The following ZNF385D variants were observed in gnomAD, a reference collection of about 807,000 sequenced individuals.
ZNF385D encodes the protein zinc finger protein 385D, also known as zinc finger protein 659.
In ZNF385D, 15 loss-of-function variants were observed where a neutral mutation model predicts 35.8. That is an observed-to-expected ratio of 0.42 (90% CI 0.28 to 0.64). The LOEUF (loss-of-function observed/expected upper bound fraction) is 0.64, where lower values mean the gene tolerates loss of function less well. Ranked by LOEUF, ZNF385D falls within the 30% of genes least tolerant of loss-of-function variation. The probability of loss-of-function intolerance (pLI) is 0.23; values close to 1 mark genes in which losing one functional copy is unlikely to be tolerated. For synonymous variants in ZNF385D, 212 were observed against 186.8 expected, an observed-to-expected ratio of 1.13 and a Z score of -1.10; for missense variants, 474 against 494.6, an observed-to-expected ratio of 0.96 and a Z score of 0.39.
At chr3:21,555,928 CATT>C (rs200440321) in intron 3 of ZNF385D, among the ~76,000 whole-genome samples, 3,050 of 152,214 alleles carry the variant, frequency 0.02, 98 homozygotes, top group African/African-American at 0.069. Context: ...GATGGTATCT[CATT>C]GTGGTTTTGA....
At position 22,240,654 on chromosome 3, in the gene ZNF385D, C is replaced by T. The variant is rs770960106; in HGVS notation, c.107-71619G>A. Among the ~76,000 whole-genome samples the T allele has an allele frequency of 2.6e-5, 4 of 151,050 alleles. 1 individual carries two copies. Among genetic ancestry groups the T allele is most frequent in the African/African-American group, 4.9e-5 (2 of 40,802 alleles). On this transcript the variant is annotated intron_variant, in intron 2 of 5. Coordinates refer to the ZNF385D transcript ENST00000494108. ...CTTTGAGGTTGCAGCAATTGACCCA[C>T]AATTGCTGCCCTCTTGATCCTCTTG...
At chr3:21,719,055 C>G (rs539969851) in intron 1 of ZNF385D, among the ~76,000 whole-genome samples, 1 of 152,280 alleles carries the variant, frequency 6.6e-6, no homozygotes, top group South Asian at 2.1e-4. Flanking sequence ...TAGCTATTAT[C>G]TTGCATTTGG....
chr3:21,983,070 G>T (rs868004023), intron 3 of ZNF385D, among the ~76,000 whole-genome samples: 15 of 151,668 alleles, frequency 9.9e-5, no homozygotes, highest in Admixed American at 2.6e-4. Flanking sequence ...TTGTGTCTTT[G>T]CCAGGTTTGG....
intron 3 of ZNF385D, among the ~76,000 whole-genome samples, chr3:21,913,359 A>G (rs188751290): frequency 7.9e-5 from 12 of 152,238 alleles, no homozygotes; most frequent in African/African-American, 2.6e-4. Context: ...GAAATAACTC[A>G]TTAACAGAAA....
At chr3:21,851,752 G>A (rs979637890) in intron 3 of ZNF385D, among the ~76,000 whole-genome samples, 4 of 151,916 alleles carry the variant, frequency 2.6e-5, no homozygotes, top group African/African-American at 9.7e-5. Context: ...TTAAAAAGGT[G>A]CCAACTCAAC....
At chr3:21,939,343 A>G (rs1701407665) in intron 3 of ZNF385D, among the ~76,000 whole-genome samples, 2 of 152,162 alleles carry the variant, frequency 1.3e-5, no homozygotes, top group African/African-American at 4.8e-5. Context: ...TAGGGAACGT[A>G]AGGAATTTCT....
At chr3:21,874,596 GATTACTGTAGCTTTGTAAT>G (rs1697867272) in intron 3 of ZNF385D, among the ~76,000 whole-genome samples, 1 of 151,972 alleles carries the variant, frequency 6.6e-6, no homozygotes, top group Admixed American at 6.6e-5. Flanking sequence ...ATACTCTTTT[GATTACTGTAGCTTTGTAAT>G]ATGTTTCAAA....
intron 2 of ZNF385D, among the ~76,000 whole-genome samples, chr3:22,296,078 T>C (rs1702561257): frequency 6.6e-6 from 1 of 152,134 alleles, no homozygotes; most frequent in African/African-American, 2.4e-5. Context: ...TATCTAAATA[T>C]CCAAAATGTA....
intron 2 of ZNF385D, among the ~76,000 whole-genome samples, chr3:22,351,647 T>G (rs954010010): frequency 6.6e-6 from 1 of 152,120 alleles, no homozygotes; most frequent in Non-Finnish European, 1.5e-5. Context: ...AAAAATCCAG[T>G]GCAAACAAGC....
Position 21,459,494 on chromosome 3 carries a change from A to G in ZNF385D, c.440-22291T>C, listed in dbSNP as rs376860855. 3.9e-5 allele frequency: 6 copies of G among 152,150 alleles called. No homozygotes were observed. The East Asian group carries it at 1.2e-3, about 29-fold the overall frequency. The allele number at this position is 152,150 out of a possible 1,614,324, so 9.4% of individuals were successfully genotyped here. ...GAAGAGCAGAATGAAATATTATACT[A>G]CCATATAAATGCAAAAAAAAATTTA... On this transcript the variant is annotated intron_variant, in intron 4 of 7. Transcript: ENST00000281523.
chr3:21,787,187 T>A (rs2071723177), intron 3 of ZNF385D, among the ~76,000 whole-genome samples: 1 of 152,106 alleles, frequency 6.6e-6, no homozygotes, highest in African/African-American at 2.4e-5. Flanking sequence ...GGGTTACTGA[T>A]GAAAGATCAG....
Position 21,648,829 on chromosome 3 carries a change from C to T in ZNF385D, c.165+16057G>A, listed in dbSNP as rs143822479. 7.9e-5 allele frequency among the ~76,000 whole-genome samples: 12 copies of T among 152,286 alleles called. No homozygotes were observed. The East Asian group carries it at 1.9e-3, about 25-fold the overall frequency. ...TAGGTGTGTTCCAACAAAAAAGATA[C>T]GGAGTGATATTTCATTTAGTCCACA... On this transcript the variant is annotated intron_variant, in intron 2 of 7. Transcript: ENST00000281523.
intron 2 of ZNF385D, among the ~76,000 whole-genome samples, chr3:22,240,237 C>A (rs565809008): frequency 6.8e-6 from 1 of 147,040 alleles, no homozygotes. Flanking sequence ...AAAAAGTCAT[C>A]ATCATTAGAA....
At chr3:21,980,597 C>A (rs1694376508) in intron 3 of ZNF385D, among the ~76,000 whole-genome samples, 1 of 151,954 alleles carries the variant, frequency 6.6e-6, no homozygotes, top group South Asian at 2.1e-4. Flanking sequence ...ATTTGGGGGC[C>A]CATATGAAAA....
rs1389200250 is a variant in ZNF385D at position 22,274,799 on chromosome 3, T to TAAAAA, written c.106+97650_106+97651insTTTTT. Among the ~76,000 whole-genome samples the TAAAAA allele has an allele frequency of 4.2e-3, 603 of 142,774 alleles. 5 individuals are homozygous for TAAAAA. The highest frequency in any genetic ancestry group is 0.015 in the African/African-American group (575 of 37,326). The allele number at this position is 142,774 out of a possible 152,430, so 93.7% of individuals were successfully genotyped here. A position where few individuals can be genotyped will look rare whatever the true frequency, so the allele number is the denominator to read the frequency against. ...GAAGTTAGTACTTTTTTTTTTTTTTTAAAAGTCTTCTTATTTTTTAGTTAA... is the reference window on the plus strand; with the variant it reads ...GAAGTTAGTACTTTTTTTTTTTTTTTAAAAAAAAAGTCTTCTTATTTTTTAGTTAA... On this transcript the variant is annotated intron_variant, in intron 2 of 5. Coordinates refer to the ZNF385D transcript ENST00000494108.
chr3:21,734,316 G>A (rs953947372), intron 1 of ZNF385D, among the ~76,000 whole-genome samples: 2 of 151,420 alleles, frequency 1.3e-5, no homozygotes, highest in South Asian at 2.1e-4. Flanking sequence ...GGAGAAACAC[G>A]GGAATTCAGA....
chr3:22,070,507 G>C (rs1700178758), intron 3 of ZNF385D, among the ~76,000 whole-genome samples: 1 of 152,016 alleles, frequency 6.6e-6, no homozygotes, highest in Non-Finnish European at 1.5e-5. Context: ...ATTTCACTTA[G>C]GAAAGTGAAA....
chr3:21,726,805 G>T (rs1575542213), intron 1 of ZNF385D, among the ~76,000 whole-genome samples: 1 of 152,122 alleles, frequency 6.6e-6, no homozygotes, highest in East Asian at 1.9e-4. Context: ...TTTCTTCATA[G>T]AATAGGAGAA....
chr3:21,883,538 T>G (rs1698387774), intron 3 of ZNF385D, among the ~76,000 whole-genome samples: 1 of 151,954 alleles, frequency 6.6e-6, no homozygotes, highest in Admixed American at 6.6e-5. Flanking sequence ...TCCTTGGTCA[T>G]GCTATTTCAT....
Sources: allele counts gnomAD v4.1 joint callset (sites outside exome capture counted in the v4.1 genomes callset), GRCh38; gene constraint gnomAD v4.1.1; transcripts MANE v1.5; gene names NCBI Gene and HGNC (gene_info 2026-07-23, HGNC 2026-07-21).